Variants in RAB2A observed in about 807,000 individuals in gnomAD.
RAB2A encodes the protein RAB2A, member RAS oncogene family.
A neutral mutation model predicts 32.5 loss-of-function variants in RAB2A; 7 were observed. The observed-to-expected ratio is 0.22, with a 90% CI of 0.12 to 0.40. The LOEUF (loss-of-function observed/expected upper bound fraction) is 0.40. Among genes scored for constraint, RAB2A ranks in the 10% least tolerant of loss-of-function variants. RAB2A has a pLI of 1.00. For synonymous variants in RAB2A, 79 were observed against 85.2 expected (o/e 0.93, Z 0.40); for missense variants, 108 against 260.7 (o/e 0.41, Z 4.03).
intron 6 of RAB2A, among the ~76,000 whole-genome samples, chr8:60,610,488 T>TC (rs1238946966): frequency 6.6e-6 from 1 of 152,182 alleles, no homozygotes; most frequent in Admixed American, 6.5e-5. Flanking sequence ...AGGCTTTGTT[T>TC]CCCCCTTAAA....
intron 6 of RAB2A, among the ~76,000 whole-genome samples, chr8:60,608,611 C>T (rs1324386625): frequency 1.4e-5 from 2 of 141,608 alleles, no homozygotes; most frequent in African/African-American, 5.2e-5. Flanking sequence ...CTTCCTTTAC[C>T]CCCACCCCAC....
intron 1 of RAB2A, among the ~76,000 whole-genome samples, chr8:60,519,698 A>G (rs965892408): frequency 3.9e-5 from 6 of 152,216 alleles, no homozygotes; most frequent in African/African-American, 1.2e-4. Context: ...GTCAGAAAAG[A>G]TGTTTTGTAT....
Position 60,517,380 on chromosome 8 carries a change from C to G in RAB2A, c.46+127C>G, listed in dbSNP as rs1383792335. On this transcript the variant is annotated intron_variant, in intron 1 of 7. Coordinates refer to ENST00000262646, the MANE Select transcript of RAB2A (RefSeq NM_002865.3). ...CGCCTCCCTCCTGGCCGCGCCGCTC[C>G]ATTTCCGCAGTGCTGGAGCTGGTGA... 3.3e-6 allele frequency: 3 copies of G among 922,464 alleles called. No individual in the cohort carries two copies. The East Asian group carries it at 1.0e-4, about 31-fold the overall frequency. 57.1% of individuals were successfully genotyped at this position (922,464 alleles called of 1,614,324 possible). A position where few individuals can be genotyped will look rare whatever the true frequency, so the allele number is the denominator to read the frequency against.
At chr8:60,603,871 A>AAGAGAG (rs1334643033) in intron 6 of RAB2A, among the ~76,000 whole-genome samples, 1 of 152,184 alleles carries the variant, frequency 6.6e-6, no homozygotes, top group Non-Finnish European at 1.5e-5. Context: ...AAAAGACAGA[A>AAGAGAG]AGAGAGGGAG....
intron 2 of RAB2A, among the ~76,000 whole-genome samples, chr8:60,563,857 T>C (rs1240779038): frequency 6.6e-6 from 1 of 152,220 alleles, no homozygotes; most frequent in African/African-American, 2.4e-5. Flanking sequence ...CTTTAATAGC[T>C]GTGCCCTTAT....
chr8:60,524,378 A>G lies in RAB2A; in HGVS notation c.46+7125A>G, dbSNP rs1807347520. On this transcript the variant is annotated intron_variant, in intron 1 of 7. Transcript: ENST00000262646. ...CTTCTGGCCCAGCTGTGCTTACTTC[A>G]TTTGTTATTCTCTGCTCACTTTAGT... 2.6e-5 allele frequency among the ~76,000 whole-genome samples: 3 copies of G among 115,592 alleles called. No homozygotes were observed. The South Asian group carries it at 9.3e-4, about 36-fold the overall frequency. 75.8% of individuals were successfully genotyped at this position (115,592 alleles called of 152,430 possible).
At chr8:60,612,200 C>A (rs1470795367) in intron 6 of RAB2A, among the ~76,000 whole-genome samples, 1 of 152,174 alleles carries the variant, frequency 6.6e-6, no homozygotes, top group Non-Finnish European at 1.5e-5. Flanking sequence ...TATTGTTCAA[C>A]TCCCACTTAT....
chr8:60,595,348 G>C (rs1057170123), intron 6 of RAB2A, among the ~76,000 whole-genome samples: 1 of 152,154 alleles, frequency 6.6e-6, no homozygotes. Flanking sequence ...CCCACAGGAA[G>C]GCAGGAGAAG....
intron 1 of RAB2A, among the ~76,000 whole-genome samples, chr8:60,549,868 C>T (rs913801950): frequency 3.4e-5 from 5 of 149,252 alleles, no homozygotes; most frequent in African/African-American, 4.9e-5. Flanking sequence ...GCTTTCTATT[C>T]GTCCTCCTTT....
At chr8:60,589,759 C>T (rs567178878) in intron 5 of RAB2A, among the ~76,000 whole-genome samples, 14 of 152,056 alleles carry the variant, frequency 9.2e-5, no homozygotes, top group Non-Finnish European at 1.9e-4. Context: ...CTAAGTATAT[C>T]GTCAAGTACT....
intron 6 of RAB2A, among the ~76,000 whole-genome samples, chr8:60,598,937 CAAAAAAAA>C (rs56406651): frequency 0.027 from 1,089 of 40,406 alleles, 5 homozygotes; most frequent in African/African-American, 0.069. Context: ...TGCAGTAAAG[CAAAAAAAA>C]AAAAAAAAAA....
intron 5 of RAB2A, 151 bp downstream of exon 5, chr8:60,584,966 A>T (rs1803824451): frequency 2.0e-6 from 1 of 504,384 alleles, no homozygotes; most frequent in South Asian, 3.9e-5. Context: ...TTTGATTTTT[A>T]AAATGATGTT....
chr8:60,599,117 G>C (rs986667611), intron 6 of RAB2A, among the ~76,000 whole-genome samples: 1 of 151,872 alleles, frequency 6.6e-6, no homozygotes, highest in African/African-American at 2.4e-5. Flanking sequence ...AAAATCAATC[G>C]TATTTCTATG....
intron 1 of RAB2A, among the ~76,000 whole-genome samples, chr8:60,534,038 C>T (rs1297267913): frequency 6.6e-6 from 1 of 152,052 alleles, no homozygotes; most frequent in Non-Finnish European, 1.5e-5. Context: ...TGCTGGAGTT[C>T]GAAAAATGAA....
intron 1 of RAB2A, among the ~76,000 whole-genome samples, chr8:60,541,459 C>T (rs1807644540): frequency 6.6e-6 from 1 of 152,150 alleles, no homozygotes; most frequent in African/African-American, 2.4e-5. Context: ...CTTTGGGAGG[C>T]AGTCAGATCA....
chr8:60,531,085 C>T (rs1406609979), intron 1 of RAB2A, among the ~76,000 whole-genome samples: 1 of 152,190 alleles, frequency 6.6e-6, no homozygotes, highest in African/African-American at 2.4e-5. Context: ...AGCTTTACAG[C>T]TGTCTTTAAA....
At chr8:60,588,168 A>G (rs1027564046) in intron 5 of RAB2A, among the ~76,000 whole-genome samples, 1 of 152,190 alleles carries the variant, frequency 6.6e-6, no homozygotes, top group Non-Finnish European at 1.5e-5. Flanking sequence ...TTGTAGTCCC[A>G]GCTACTCCAG....
At chr8:60,520,137 A>G (rs1272217658) in intron 1 of RAB2A, among the ~76,000 whole-genome samples, 1 of 152,236 alleles carries the variant, frequency 6.6e-6, no homozygotes, top group East Asian at 1.9e-4. Flanking sequence ...ATAAATGTGA[A>G]AGTACTTTGA....
At chr8:60,579,963 G>C (rs1275718033) in intron 3 of RAB2A, among the ~76,000 whole-genome samples, 1 of 147,154 alleles carries the variant, frequency 6.8e-6, no homozygotes, top group Non-Finnish European at 1.5e-5. Context: ...AAACAATATA[G>C]GTCAATCCGA....
Sources: gnomAD v4.1 joint callset for allele counts (sites outside exome capture counted in the v4.1 genomes callset) on GRCh38, gnomAD v4.1.1 for gene constraint, MANE v1.5 for transcripts, NCBI Gene and HGNC (gene_info 2026-07-23, HGNC 2026-07-21) for gene names.